The following SGCD variants were observed in gnomAD, a reference collection of about 807,000 sequenced individuals.
SGCD encodes the protein delta-sarcoglycan.
SGCD carries 18 observed loss-of-function variants against 36.6 expected under a neutral mutation model. That is an observed-to-expected ratio of 0.49 (90% confidence interval 0.34 to 0.73). The LOEUF is 0.73. Among genes scored for constraint, SGCD ranks in the 30% least tolerant of loss-of-function variants. The probability of loss-of-function intolerance (pLI) is 0.01; values close to 1 mark genes in which losing one functional copy is unlikely to be tolerated. For missense variants in SGCD, 387 were observed against 346.7 expected, an observed-to-expected ratio of 1.12 and a Z score of -0.92; for synonymous variants, 133 against 130.6, an observed-to-expected ratio of 1.02 and a Z score of -0.12.
the SGCD span, among the ~76,000 whole-genome samples, chr5:155,751,748 T>C: frequency 6.6e-6 from 1 of 152,134 alleles, no homozygotes; most frequent in East Asian, 1.9e-4. Context: ...ACACACATTA[T>C]TTTGCTCAAA....
chr5:156,370,506 A>G (rs767452422), intron 3 of SGCD, among the ~76,000 whole-genome samples: 3 of 152,232 alleles, frequency 2.0e-5, no homozygotes, highest in Non-Finnish European at 4.4e-5. Context: ...GAGTTTGTAC[A>G]TGAAATATTT....
intron 6 of SGCD, among the ~76,000 whole-genome samples, chr5:156,609,977 G>C (rs193011356): frequency 6.6e-6 from 1 of 152,116 alleles, no homozygotes; most frequent in African/African-American, 2.4e-5. Context: ...TAACTTCTTT[G>C]CCATGGGTTC....
At chr5:155,972,772 A>G (rs750124528) in intron 1 of SGCD, among the ~76,000 whole-genome samples, 3 of 152,164 alleles carry the variant, frequency 2.0e-5, no homozygotes, top group Non-Finnish European at 2.9e-5. Flanking sequence ...CTGAAAGACA[A>G]AACAATTTTT....
At chr5:156,568,728 G>C (rs528576980) in intron 4 of SGCD, among the ~76,000 whole-genome samples, 56 of 152,338 alleles carry the variant, frequency 3.7e-4, no homozygotes, top group African/African-American at 1.3e-3. Context: ...TTTGCTTAGT[G>C]AATGTCAGAG....
chr5:156,314,441 T>A (rs955089784), intron 3 of SGCD, among the ~76,000 whole-genome samples: 1 of 152,070 alleles, frequency 6.6e-6, no homozygotes, highest in African/African-American at 2.4e-5. Context: ...TATATTAAAC[T>A]GTCTATTCTA....
chr5:156,348,364 C>T (rs766949620), intron 3 of SGCD, among the ~76,000 whole-genome samples: 1 of 152,088 alleles, frequency 6.6e-6, no homozygotes, highest in Admixed American at 6.6e-5. Flanking sequence ...ACTCTAAAGG[C>T]TCCTCCAAAA....
intron 3 of SGCD, among the ~76,000 whole-genome samples, chr5:156,385,843 C>T (rs1771247812): frequency 6.6e-6 from 1 of 152,188 alleles, no homozygotes; most frequent in South Asian, 2.1e-4. Context: ...CTGCACTGTG[C>T]TAAGTGATAT....
intron 1 of SGCD, among the ~76,000 whole-genome samples, chr5:155,915,625 AAAC>A (rs1756719480): frequency 6.6e-6 from 1 of 152,188 alleles, no homozygotes; most frequent in Non-Finnish European, 1.5e-5. Context: ...TTATGTTTGA[AAAC>A]AATTTGTGGT....
At chr5:155,732,883 A>G in the SGCD span, among the ~76,000 whole-genome samples, 1 of 152,206 alleles carries the variant, frequency 6.6e-6, no homozygotes, top group Non-Finnish European at 1.5e-5. Context: ...AGCCAAATAG[A>G]AATACAAAAA....
the SGCD span, among the ~76,000 whole-genome samples, chr5:155,767,252 G>C: frequency 6.6e-5 from 10 of 152,314 alleles, no homozygotes; most frequent in East Asian, 1.9e-3. Flanking sequence ...CACCAGGATG[G>C]CTGAGGAGGA....
chr5:156,746,116 T>TA lies in SGCD; in HGVS notation c.576-11459dup, dbSNP rs368930782. Among the ~76,000 whole-genome samples the TA allele has an allele frequency of 3.4e-3, 505 of 150,340 alleles. 6 individuals are homozygous for TA. Among genetic ancestry groups the TA allele is most frequent in the African/African-American group, 0.011 (466 of 40,846 alleles). ...GAATGACACTATAGACCATCAGAGA[T>TA]AAAAAAGGAGTAGGCGAGAAAAAAA... On this transcript the variant is annotated intron_variant, in intron 7 of 8. Coordinates refer to ENST00000337851, the MANE Select transcript of SGCD (RefSeq NM_000337.6).
At chr5:156,619,038 T>TCC (rs144172105) in intron 6 of SGCD, among the ~76,000 whole-genome samples, 2 of 148,340 alleles carry the variant, frequency 1.3e-5, no homozygotes, top group African/African-American at 5.0e-5. Flanking sequence ...TTTTTTTTTT[T>TCC]CTTCTGAGAC....
chr5:156,274,553 A>G (rs908320348), intron 3 of SGCD, among the ~76,000 whole-genome samples: 2 of 152,198 alleles, frequency 1.3e-5, no homozygotes, highest in African/African-American at 4.8e-5. Flanking sequence ...ATAGGAGCAC[A>G]TAAATTTCCT....
At chr5:156,388,404 T>C (rs1771390195) in intron 3 of SGCD, among the ~76,000 whole-genome samples, 1 of 152,224 alleles carries the variant, frequency 6.6e-6, no homozygotes. Context: ...TGGCAATCTT[T>C]GGCATATCTA....
At chr5:156,432,483 A>G (rs1753066172) in intron 3 of SGCD, among the ~76,000 whole-genome samples, 1 of 152,136 alleles carries the variant, frequency 6.6e-6, no homozygotes, top group Non-Finnish European at 1.5e-5. Flanking sequence ...CAGGGGAAGT[A>G]TTCTGGTTTC....
In SGCD at chr5:156,211,210, T is replaced by G. The variant is rs184276723; in HGVS notation, c.-44+87191T>G. On this transcript the variant is annotated intron_variant, in intron 3 of 9. Coordinates refer to the SGCD transcript ENST00000517913. ...AAGAATACTTTACCTGGCAAAGCTG[T>G]TTTTTAGAAATGAAGGAGAGAGAAA... Among the ~76,000 whole-genome samples, 496 of 152,118 alleles carry G rather than the reference T, an allele frequency of 3.3e-3. 11 individuals carry two copies. In the South Asian group the frequency reaches 0.038, roughly 12 times the overall value.
In SGCD at chr5:156,386,866, G is replaced by A. The variant is rs545656033; in HGVS notation, c.192+42189G>A. On this transcript the variant is annotated intron_variant, in intron 3 of 8. Transcript: ENST00000337851. The stretch of plus-strand genomic sequence containing the variant: ...TCCAGAAAGTTTTTAACATTCCCAA[G>A]AAGTATTTCAAACTGGTCAGCCAAC... Among the ~76,000 whole-genome samples, 11 of 152,344 alleles carry A rather than the reference G, an allele frequency of 7.2e-5. No individual in the cohort carries two copies. The South Asian group carries it at 2.3e-3, about 32-fold the overall frequency.
At chr5:156,162,037 C>T (rs536395191) in intron 3 of SGCD, among the ~76,000 whole-genome samples, 1 of 150,660 alleles carries the variant, frequency 6.6e-6, no homozygotes. Context: ...TGCCAGGGTT[C>T]CTTACCCTAG....
intron 3 of SGCD, among the ~76,000 whole-genome samples, chr5:156,241,927 G>C (rs531748719): frequency 1.2e-4 from 19 of 152,256 alleles, no homozygotes; most frequent in African/African-American, 4.3e-4. Flanking sequence ...GGAGAGATGG[G>C]CTAAATGGAG....
Sources: gnomAD v4.1 joint callset for allele counts (sites outside exome capture counted in the v4.1 genomes callset) on GRCh38, gnomAD v4.1.1 for gene constraint, MANE v1.5 for transcripts, NCBI Gene and HGNC (gene_info 2026-07-23, HGNC 2026-07-21) for gene names.